GRM3: variants seen among roughly 807,000 people sequenced by gnomAD.
GRM3 encodes the protein glutamate metabotropic receptor 3.
A neutral mutation model predicts 70.5 loss-of-function variants in GRM3; 26 were observed. The observed-to-expected ratio is 0.37, with a 90% CI of 0.27 to 0.51. GRM3 has a LOEUF of 0.51. Among genes scored for constraint, GRM3 ranks in the 20% least tolerant of loss-of-function variants. GRM3 has a pLI of 0.93. For missense variants in GRM3, 859 were observed against 1,123.8 expected (o/e 0.76, Z 3.37); for synonymous variants, 443 against 434.9 (o/e 1.02, Z -0.23).
chr7:86,754,462 A>G (rs1427624178), intron 1 of GRM3, among the ~76,000 whole-genome samples: 2 of 152,142 alleles, frequency 1.3e-5, no homozygotes, highest in African/African-American at 4.8e-5. Context: ...GCATAAAGAA[A>G]AGATGATTCT....
intron 1 of GRM3, among the ~76,000 whole-genome samples, chr7:86,691,971 A>G (rs1794706485): frequency 6.6e-6 from 1 of 152,230 alleles, no homozygotes; most frequent in Non-Finnish European, 1.5e-5. Context: ...TGTAATCTTC[A>G]GAGTTATTTT....
chr7:86,780,806 A>G (rs1213584326), intron 2 of GRM3, among the ~76,000 whole-genome samples: 1 of 152,222 alleles, frequency 6.6e-6, no homozygotes, highest in Non-Finnish European at 1.5e-5. Flanking sequence ...GAGTCACCAC[A>G]AAGCACAGAC....
intron 1 of GRM3, among the ~76,000 whole-genome samples, chr7:86,748,153 C>T (rs951285344): frequency 1.3e-5 from 2 of 151,916 alleles, no homozygotes; most frequent in Non-Finnish European, 2.9e-5. Flanking sequence ...AATCTTTCAC[C>T]TTTTCACCAT....
intron 3 of GRM3, among the ~76,000 whole-genome samples, chr7:86,831,504 T>C (rs1366884864): frequency 6.6e-6 from 1 of 152,156 alleles, no homozygotes. Flanking sequence ...ATGACCACTA[T>C]GGACTTTCAG....
At chr7:86,780,048 T>C (rs1233479220) in intron 2 of GRM3, among the ~76,000 whole-genome samples, 1 of 152,222 alleles carries the variant, frequency 6.6e-6, no homozygotes, top group Non-Finnish European at 1.5e-5. Flanking sequence ...ACAAAGGACA[T>C]GAACTCATCA....
At chr7:86,705,360 C>A (rs1489460570) in intron 1 of GRM3, among the ~76,000 whole-genome samples, 1 of 151,980 alleles carries the variant, frequency 6.6e-6, no homozygotes, top group African/African-American at 2.4e-5. Context: ...TCAATTGGCA[C>A]CAACATATAG....
chr7:86,676,350 C>T (rs2115935613), intron 1 of GRM3, among the ~76,000 whole-genome samples: 1 of 151,888 alleles, frequency 6.6e-6, no homozygotes, highest in South Asian at 2.1e-4. Context: ...AAGTGTAAGA[C>T]TGAATACCAT....
intron 1 of GRM3, among the ~76,000 whole-genome samples, chr7:86,759,374 C>T (rs780070022): frequency 2.6e-5 from 4 of 152,068 alleles, no homozygotes; most frequent in Non-Finnish European, 5.9e-5. Flanking sequence ...GAATTTTGCC[C>T]TACTATAATG....
intron 1 of GRM3, among the ~76,000 whole-genome samples, chr7:86,674,780 C>T (rs769896476): frequency 1.8e-4 from 28 of 152,100 alleles, no homozygotes; most frequent in Non-Finnish European, 1.5e-5. Flanking sequence ...AAACACTGAA[C>T]TGCTTGTTAT....
chr7:86,781,590 C>G (rs1042033186), intron 2 of GRM3, among the ~76,000 whole-genome samples: 1 of 152,128 alleles, frequency 6.6e-6, no homozygotes, highest in Non-Finnish European at 1.5e-5. Context: ...GAGCTCTAAT[C>G]TTAGGCTTTC....
At chr7:86,735,981 A>G (rs1795848129) in intron 1 of GRM3, among the ~76,000 whole-genome samples, 2 of 152,204 alleles carry the variant, frequency 1.3e-5, no homozygotes, top group Non-Finnish European at 2.9e-5. Flanking sequence ...GACTTGCCCA[A>G]GGCTGTATGG....
At chr7:86,764,753 A>G (rs1238023221) in intron 1 of GRM3, among the ~76,000 whole-genome samples, 1 of 152,086 alleles carries the variant, frequency 6.6e-6, no homozygotes, top group Non-Finnish European at 1.5e-5. Context: ...AATCTGCAAT[A>G]AGTACACTTT....
At chr7:86,756,446 A>T (rs985065212) in intron 1 of GRM3, among the ~76,000 whole-genome samples, 90 of 152,154 alleles carry the variant, frequency 5.9e-4, no homozygotes, top group African/African-American at 2.1e-3. Flanking sequence ...GCCTATAAAA[A>T]GTCTTTATTT....
intron 3 of GRM3, 66 bp downstream of exon 3, chr7:86,787,182 C>A (rs763757872): frequency 5.7e-6 from 7 of 1,230,952 alleles, no homozygotes; most frequent in Non-Finnish European, 8.0e-6. Flanking sequence ...GAATCAAATG[C>A]CTCTGTGCCC....
At chr7:86,695,158 T>G (rs561999100) in intron 1 of GRM3, among the ~76,000 whole-genome samples, 1 of 152,276 alleles carries the variant, frequency 6.6e-6, no homozygotes, top group East Asian at 1.9e-4. Flanking sequence ...TGAAGTTCAT[T>G]GAACTGTAGG....
At chr7:86,697,315 A>G (rs745940962) in intron 1 of GRM3, among the ~76,000 whole-genome samples, 17 of 152,060 alleles carry the variant, frequency 1.1e-4, no homozygotes, top group Non-Finnish European at 2.2e-4. Context: ...AGATACAAAT[A>G]TACATGGTTT....
chr7:86,646,278 T>C (rs998303441), intron 1 of GRM3, among the ~76,000 whole-genome samples: 10 of 152,202 alleles, frequency 6.6e-5, no homozygotes, highest in Admixed American at 6.5e-5. Context: ...TTGGAAGCTA[T>C]TGTATGCCAG....
chr7:86,666,933 C>G (rs1356308468), intron 1 of GRM3, among the ~76,000 whole-genome samples: 1 of 151,982 alleles, frequency 6.6e-6, no homozygotes, highest in Non-Finnish European at 1.5e-5. Context: ...ACTTAACTAC[C>G]CAGAATAAAT....
At chr7:86,716,893 G>A (rs1341490885) in intron 1 of GRM3, among the ~76,000 whole-genome samples, 1 of 151,794 alleles carries the variant, frequency 6.6e-6, no homozygotes, top group Non-Finnish European at 1.5e-5. Context: ...CAGATTTATA[G>A]ATTAAAGATT....
Sources: allele counts gnomAD v4.1 joint callset (sites outside exome capture counted in the v4.1 genomes callset), GRCh38; gene constraint gnomAD v4.1.1; transcripts MANE v1.5; gene names NCBI Gene and HGNC (gene_info 2026-07-23, HGNC 2026-07-21).